The following RERGL variants were observed in gnomAD, a reference collection of about 807,000 sequenced individuals.
The protein encoded by RERGL is ras-related and estrogen-regulated growth inhibitor-like protein.
In RERGL, 22 loss-of-function variants were observed where a neutral mutation model predicts 24.7. That is an observed-to-expected ratio of 0.89 (90% confidence interval 0.64 to 1.27). The LOEUF (loss-of-function observed/expected upper bound fraction) is 1.27, where lower values mean the gene tolerates loss of function less well. Among genes scored for constraint, RERGL ranks in the 50% most tolerant of loss-of-function variants. RERGL has a pLI of 0.00. For missense variants in RERGL, 259 were observed against 235.3 expected (o/e 1.10, Z -0.66); for synonymous variants, 76 against 82.6 (o/e 0.92, Z 0.43).
chr12:18,087,757 AT>A (rs1487289679), intron 2 of RERGL, among the ~76,000 whole-genome samples: 1 of 151,858 alleles, frequency 6.6e-6, no homozygotes, highest in Non-Finnish European at 1.5e-5. Context: ...TGTTTGTTTT[AT>A]TTTTTAGTTC....
chr12:18,089,158 G>A (rs1433680761), intron 1 of RERGL: 1 of 1,332,768 alleles, frequency 7.5e-7, no homozygotes, highest in Non-Finnish European at 1.0e-6. Context: ...GAAAGGAAGT[G>A]ATCTTAAAGT....
At chr12:18,086,173 A>C (rs968929579) in intron 2 of RERGL, among the ~76,000 whole-genome samples, 1 of 151,812 alleles carries the variant, frequency 6.6e-6, no homozygotes, top group Non-Finnish European at 1.5e-5. Context: ...GCGCCCAGCC[A>C]ATATGTTTCT....
chr12:18,084,622 G>A lies in RERGL; in HGVS notation c.227C>T (p.Ala76Val). The A allele has an allele frequency of 6.2e-7, 1 of 1,610,978 alleles. No homozygotes were observed. Residue 76 changes from alanine (A) to valine (V), a missense_variant, in exon 4 of 5, where the codon GCA (alanine) becomes GTA (valine). Ala to Val is a moderately conservative substitution (Grantham distance 64, BLOSUM62 0). Transcript: ENST00000538724. ...GTCATACACAATAACAAACCCATCT[G>A]CCCAGTGAAGCTCACTTGTGAGGGA... ...KFSLTSELHW[A>V]DGFVIVYDIS...
rs539884175 is a variant in RERGL, at chr12:18,088,809, A to G, written c.109+91T>C. On this transcript the variant is annotated intron_variant, in intron 2 of 4. Coordinates refer to ENST00000538724, the MANE Select transcript of RERGL (RefSeq NM_001286201.2). ...ATTGTTTCATATGCATAAAAATGGT[A>G]TAGTCTATCAAAATGCATCTCTGTA... 6.3e-5 allele frequency: 52 copies of G among 829,502 alleles called. No individual in the cohort carries two copies. In the African/African-American group the frequency reaches 8.3e-4, roughly 13 times the overall value. The allele number at this position is 829,502 out of a possible 1,614,324, so 51.4% of individuals were successfully genotyped here.
intron 2 of RERGL, among the ~76,000 whole-genome samples, chr12:18,087,161 T>TACCAA (rs1947228643): frequency 3.9e-5 from 6 of 152,144 alleles, no homozygotes; most frequent in Non-Finnish European, 7.4e-5. Context: ...TCTTTCTGTT[T>TACCAA]CCATCCTTCC....
chr12:18,083,948 G>A (rs1947195318), intron 4 of RERGL, among the ~76,000 whole-genome samples: 1 of 152,118 alleles, frequency 6.6e-6, no homozygotes, highest in Non-Finnish European at 1.5e-5. Context: ...GTAGCTTAAG[G>A]TACAATCATG....
intron 2 of RERGL, among the ~76,000 whole-genome samples, chr12:18,086,222 A>T (rs1947221328): frequency 6.6e-6 from 1 of 151,602 alleles, no homozygotes; most frequent in Non-Finnish European, 1.5e-5. Context: ...TCACCTACAT[A>T]CCTTTTTGCT....
intron 4 of RERGL, 148 bp from the exon 5 acceptor site, chr12:18,081,621 C>A: frequency 1.5e-6 from 1 of 665,752 alleles, no homozygotes; most frequent in Non-Finnish European, 2.4e-6. Context: ...TGTGTGTATA[C>A]AGTTACACAT....
intron 1 of RERGL, among the ~76,000 whole-genome samples, chr12:18,089,582 A>G (rs1947251202): frequency 6.6e-6 from 1 of 152,116 alleles, no homozygotes; most frequent in African/African-American, 2.4e-5. Context: ...AGAGCACATT[A>G]TTGCTCAGTT....
At chr12:18,086,690 T>C (rs1330784550) in intron 2 of RERGL, among the ~76,000 whole-genome samples, 5 of 152,152 alleles carry the variant, frequency 3.3e-5, no homozygotes, top group Non-Finnish European at 7.4e-5. Flanking sequence ...TTCATAGGTT[T>C]CTTCTCTTCT....
At position 18,088,912 on chromosome 12, in the gene RERGL, C is replaced by A. The variant is rs71539407; in HGVS notation, c.97G>T (p.Ala33Ser). The A allele has an allele frequency of 1.9e-5, 31 of 1,605,992 alleles. No individual in the cohort carries two copies. The highest frequency in any genetic ancestry group is 3.3e-4 in the Middle Eastern group (2 of 6,034). ...FLTKRFIGEY[A>S]SNFESIYKKH... The stretch of plus-strand genomic sequence containing the variant: ...AGTAGTGACTTACCAAAATTAGAAG[C>A]ATATTCTCCAATGAATCGCTTAGTA... The change falls in exon 2 of 5, where the codon GCT becomes TCT. Residue 33 changes from alanine to serine, a missense_variant. Ala to Ser is a moderately conservative substitution (Grantham distance 99, BLOSUM62 1). Coordinates refer to ENST00000538724, the MANE Select transcript of RERGL (RefSeq NM_001286201.2).
At chr12:18,082,152 A>AT (rs1947180086) in intron 4 of RERGL, among the ~76,000 whole-genome samples, 3 of 149,686 alleles carry the variant, frequency 2.0e-5, no homozygotes, top group Non-Finnish European at 4.5e-5. Context: ...CCAAAAAAAA[A>AT]AAAAAAAGAA....
At chr12:18,086,880 A>G (rs1474257343) in intron 2 of RERGL, among the ~76,000 whole-genome samples, 1 of 152,164 alleles carries the variant, frequency 6.6e-6, no homozygotes, top group African/African-American at 2.4e-5. Flanking sequence ...CTTCAAGCTG[A>G]ACCCCTGATA....
At chr12:18,082,246 A>G (rs997417773) in intron 4 of RERGL, among the ~76,000 whole-genome samples, 3 of 152,062 alleles carry the variant, frequency 2.0e-5, no homozygotes, top group Non-Finnish European at 4.4e-5. Flanking sequence ...AAAACCAAAT[A>G]CTGCATGTTC....
chr12:18,082,143 CAA>C (rs529778796), intron 4 of RERGL, among the ~76,000 whole-genome samples: 31 of 120,980 alleles, frequency 2.6e-4, no homozygotes, highest in Non-Finnish European at 1.8e-4. Flanking sequence ...TTGTCTCAAC[CAA>C]AAAAAAAAAA....
At chr12:18,084,722 C>T in intron 3 of RERGL, 57 bp from the exon 4 acceptor site, 1 of 1,483,970 alleles carries the variant, frequency 6.7e-7, no homozygotes. Flanking sequence ...TGTTTTTATA[C>T]TTTAAACAGT....
chr12:18,081,826 G>T (rs1445934605), intron 4 of RERGL, among the ~76,000 whole-genome samples: 1 of 151,996 alleles, frequency 6.6e-6, no homozygotes, highest in Non-Finnish European at 1.5e-5. Context: ...ATTCATCATG[G>T]AATACTATGT....
chr12:18,089,470 G>C (rs556150843), intron 1 of RERGL: 1 of 887,140 alleles, frequency 1.1e-6, no homozygotes, highest in African/African-American at 1.7e-5. Context: ...AAGATGCTAT[G>C]ATTCTTTAGG....
At chr12:18,082,346 G>A (rs1947182438) in intron 4 of RERGL, among the ~76,000 whole-genome samples, 1 of 152,052 alleles carries the variant, frequency 6.6e-6, no homozygotes. Context: ...GTCGAGGGTG[G>A]GAGGAGGAAG....
Sources: gnomAD v4.1 joint callset for allele counts (sites outside exome capture counted in the v4.1 genomes callset) on GRCh38, gnomAD v4.1.1 for gene constraint, MANE v1.5 for transcripts, NCBI Gene and HGNC (gene_info 2026-07-23, HGNC 2026-07-21) for gene names.